Variants in RBFOX1 observed in about 807,000 individuals in gnomAD.
RBFOX1 encodes the protein RNA binding protein fox-1 homolog 1.
A neutral mutation model predicts 57.7 loss-of-function variants in RBFOX1; 8 were observed. The observed-to-expected ratio is 0.14, with a 90% CI of 0.08 to 0.25. The LOEUF is 0.25. Ranked by LOEUF, RBFOX1 falls within the 10% of genes least tolerant of loss-of-function variation. The probability of loss-of-function intolerance (pLI) is 1.00; values close to 1 mark genes in which losing one functional copy is unlikely to be tolerated. For missense variants in RBFOX1, 611 were observed against 548.5 expected, an observed-to-expected ratio of 1.11 and a Z score of -1.14; for synonymous variants, 326 against 222.4, an observed-to-expected ratio of 1.47 and a Z score of -4.15.
chr16:7,685,048 C>T (rs1598045162), intron 14 of RBFOX1, among the ~76,000 whole-genome samples: 1 of 152,018 alleles, frequency 6.6e-6, no homozygotes, highest in African/African-American at 2.4e-5. Flanking sequence ...AGACCAACAC[C>T]ATTGGGCTCA....
intron 13 of RBFOX1, chr16:7,671,645 G>A: frequency 6.5e-7 from 1 of 1,547,558 alleles, no homozygotes; most frequent in Non-Finnish European, 8.9e-7. Flanking sequence ...ATGATTGTGG[G>A]TTTGCTGTGA....
At chr16:5,929,519 A>C (rs1410136944) in intron 4 of RBFOX1, among the ~76,000 whole-genome samples, 1 of 152,168 alleles carries the variant, frequency 6.6e-6, no homozygotes, top group Non-Finnish European at 1.5e-5. Flanking sequence ...TAAAGGACAT[A>C]ATCTATTTAA....
At chr16:7,060,389 C>G (rs1284349877) in intron 4 of RBFOX1, among the ~76,000 whole-genome samples, 1 of 152,092 alleles carries the variant, frequency 6.6e-6, no homozygotes, top group African/African-American at 2.4e-5. Context: ...AAGAAAAGGC[C>G]TTAGACTCAC....
chr16:5,305,942 A>G (rs979785989), intron 1 of RBFOX1, among the ~76,000 whole-genome samples: 13 of 152,150 alleles, frequency 8.5e-5, no homozygotes, highest in African/African-American at 2.9e-4. Context: ...TGTAGTCCCA[A>G]TTACTCAGGA....
chr16:6,354,843 G>GTGAA (rs1248489167), intron 2 of RBFOX1, among the ~76,000 whole-genome samples: 1 of 152,170 alleles, frequency 6.6e-6, no homozygotes, highest in African/African-American at 2.4e-5. Context: ...GAAGGAATCA[G>GTGAA]TGAATGAATG....
At chr16:7,410,584 G>C (rs534477156) in intron 4 of RBFOX1, among the ~76,000 whole-genome samples, 21 of 152,340 alleles carry the variant, frequency 1.4e-4, no homozygotes, top group Middle Eastern at 3.4e-3. Context: ...GGCTGAGGCA[G>C]CAGAATCACT....
chr16:5,457,669 G>C (rs553296506), intron 1 of RBFOX1, among the ~76,000 whole-genome samples: 1 of 152,344 alleles, frequency 6.6e-6, no homozygotes, highest in South Asian at 2.1e-4. Context: ...TGCAGATACT[G>C]CTTTCTCCAA....
intron 2 of RBFOX1, among the ~76,000 whole-genome samples, chr16:6,359,282 CG>C (rs1430457400): frequency 2.6e-5 from 4 of 151,952 alleles, no homozygotes; most frequent in Non-Finnish European, 4.4e-5. Context: ...TTAGTAGAGA[CG>C]GGGTTTCACC....
At chr16:5,941,412 C>T (rs945778194) in intron 4 of RBFOX1, among the ~76,000 whole-genome samples, 2 of 151,380 alleles carry the variant, frequency 1.3e-5, no homozygotes, top group African/African-American at 2.4e-5. Context: ...ATCACTTGAG[C>T]CCAGGAGTTT....
chr16:7,411,154 C>T lies in RBFOX1; in HGVS notation c.28-106993C>T, dbSNP rs996203452. On this transcript the variant is annotated intron_variant, in intron 4 of 15. Transcript: ENST00000550418. ...AGAGACGGGGTTTTGTCATGTTGGC[C>T]AGGTTGGTCTTGAACTCTTGACCTC... 7.2e-5 allele frequency among the ~76,000 whole-genome samples: 11 copies of T among 151,996 alleles called. 1 individual carries two copies. The East Asian group carries it at 1.7e-3, about 24-fold the overall frequency.
chr16:6,277,363 A>C (rs1343646843), intron 1 of RBFOX1, among the ~76,000 whole-genome samples: 3 of 148,048 alleles, frequency 2.0e-5, no homozygotes, highest in Non-Finnish European at 4.5e-5. Context: ...CAGGAGGCTA[A>C]GGTGGGAGGA....
intron 4 of RBFOX1, among the ~76,000 whole-genome samples, chr16:7,061,930 G>A (rs573188428): frequency 1.3e-5 from 2 of 152,064 alleles, no homozygotes; most frequent in African/African-American, 2.4e-5. Flanking sequence ...CCTCCAGTTG[G>A]GGGTAGGAAG....
intron 4 of RBFOX1, among the ~76,000 whole-genome samples, chr16:7,249,979 A>G (rs17143026): frequency 0.046 from 7,010 of 152,288 alleles, 554 homozygotes; most frequent in African/African-American, 0.16. Context: ...GAAGAGAAGC[A>G]TTATAAAATC....
intron 14 of RBFOX1, among the ~76,000 whole-genome samples, chr16:7,696,249 G>A (rs571166291): frequency 6.6e-6 from 1 of 152,184 alleles, no homozygotes; most frequent in Non-Finnish European, 1.5e-5. Context: ...TGTGTGCTCT[G>A]TTGGGTATCA....
intron 2 of RBFOX1, among the ~76,000 whole-genome samples, chr16:5,541,846 G>C (rs967085465): frequency 1.3e-5 from 2 of 152,284 alleles, no homozygotes; most frequent in Non-Finnish European, 1.5e-5. Flanking sequence ...TTAGTTGGCT[G>C]TTCTACGGAA....
At chr16:6,925,559 T>C (rs2075420346) in intron 3 of RBFOX1, among the ~76,000 whole-genome samples, 1 of 152,048 alleles carries the variant, frequency 6.6e-6, no homozygotes, top group African/African-American at 2.4e-5. Flanking sequence ...TTCACTGACA[T>C]AGCTCTAGCA....
chr16:7,698,639 TG>T (rs1487464081), intron 14 of RBFOX1, among the ~76,000 whole-genome samples: 1 of 152,218 alleles, frequency 6.6e-6, no homozygotes, highest in Non-Finnish European at 1.5e-5. Context: ...CTCATCTAAT[TG>T]TCTTTTCTGC....
intron 12 of RBFOX1, among the ~76,000 whole-genome samples, chr16:7,659,534 T>C (rs2159318): frequency 0.48 from 72,367 of 151,996 alleles, 19,013 homozygotes; most frequent in Non-Finnish European, 0.6. Context: ...ACTGAAAGAA[T>C]TGACTTGGAC....
At chr16:7,214,542 G>C (rs899670450) in intron 4 of RBFOX1, among the ~76,000 whole-genome samples, 1 of 151,936 alleles carries the variant, frequency 6.6e-6, no homozygotes, top group Non-Finnish European at 1.5e-5. Context: ...GGAAACCGCT[G>C]TGGTTTCTGC....
Sources: gnomAD v4.1 joint callset for allele counts (sites outside exome capture counted in the v4.1 genomes callset) on GRCh38, gnomAD v4.1.1 for gene constraint, MANE v1.5 for transcripts, NCBI Gene and HGNC (gene_info 2026-07-23, HGNC 2026-07-21) for gene names.